NADSYN1: variants seen among roughly 807,000 people sequenced by gnomAD.
NADSYN1 encodes the protein glutamine-dependent NAD(+) synthetase.
Under a neutral mutation model 99.3 loss-of-function variants are expected in NADSYN1, and 80 were observed. That is an observed-to-expected ratio of 0.81 (90% CI 0.67 to 0.97). The LOEUF (loss-of-function observed/expected upper bound fraction) is 0.97. Ranked by LOEUF, NADSYN1 falls within the 50% of genes least tolerant of loss-of-function variation. The pLI, the probability that NADSYN1 is intolerant of heterozygous loss-of-function variation, is 0.00. For synonymous variants in NADSYN1, 385 were observed against 372.1 expected, an observed-to-expected ratio of 1.03 and a Z score of -0.40; for missense variants, 859 against 948.5, an observed-to-expected ratio of 0.91 and a Z score of 1.24.
intron 18 of NADSYN1, 24 bp downstream of exon 18, chr11:71,491,927 A>T (rs1230818533): frequency 1.2e-6 from 2 of 1,607,958 alleles, no homozygotes; most frequent in Admixed American, 3.4e-5. Context: ...CTTTGCCATG[A>T]TGCTTCCTGC....
Position 71,464,775 on chromosome 11 carries a change from G to A in NADSYN1, c.407+633G>A, listed in dbSNP as rs372117725. 4.5e-4 allele frequency among the ~76,000 whole-genome samples: 67 copies of A among 149,878 alleles called. No homozygotes were observed. The South Asian group carries it at 0.013, about 30-fold the overall frequency. On this transcript the variant is annotated intron_variant, in intron 5 of 20. Coordinates refer to ENST00000319023, the MANE Select transcript of NADSYN1 (RefSeq NM_018161.5). ...CCAGCTACTCGGGAGGCTGAGGCAG[G>A]AGAATGGCATGAACCCAGGAGGCAA...
intron 3 of NADSYN1, 121 bp from the exon 4 acceptor site, chr11:71,463,311 G>T: frequency 2.3e-6 from 2 of 860,702 alleles, no homozygotes; most frequent in Non-Finnish European, 1.9e-6. Context: ...TTCTCCGAAG[G>T]GATCGGAGGA....
At chr11:71,489,272 A>T (rs575312414) in intron 16 of NADSYN1, among the ~76,000 whole-genome samples, 2 of 152,006 alleles carry the variant, frequency 1.3e-5, no homozygotes, top group East Asian at 3.9e-4. Flanking sequence ...TTATGGCCAC[A>T]CTTGTTGCTG....
intron 8 of NADSYN1, 92 bp from the exon 9 acceptor site, chr11:71,474,303 G>A (rs534761443): frequency 1.4e-4 from 220 of 1,536,936 alleles, no homozygotes; most frequent in Non-Finnish European, 1.3e-4. Context: ...ATGACCTAGC[G>A]GGACTCGGCG....
chr11:71,476,305 G>C (rs976015428), intron 9 of NADSYN1: 3 of 356,840 alleles, frequency 8.4e-6, no homozygotes, highest in Non-Finnish European at 1.7e-5. Context: ...CACCGGAGGC[G>C]AGTTCTGCAG....
chr11:71,453,610 T>TAC, intron 1 of NADSYN1, among the ~76,000 whole-genome samples: 1 of 152,306 alleles, frequency 6.6e-6, no homozygotes, highest in South Asian at 2.1e-4. Flanking sequence ...AAGGCACGGT[T>TAC]AAGAAAAGTC....
chr11:71,483,502 C>T (rs1949722525), intron 14 of NADSYN1, among the ~76,000 whole-genome samples: 1 of 152,198 alleles, frequency 6.6e-6, no homozygotes, highest in Admixed American at 6.5e-5. Flanking sequence ...CCCTCACTGC[C>T]TCTTCCACGG....
intron 12 of NADSYN1, chr11:71,481,674 T>C (rs1949708762): frequency 1.7e-6 from 1 of 600,854 alleles, no homozygotes; most frequent in Non-Finnish European, 3.0e-6. Flanking sequence ...AGCATTGTAA[T>C]CATGCGTATC....
At chr11:71,459,980 G>C (rs1949540698) in intron 3 of NADSYN1, 1 of 152,380 alleles carries the variant, frequency 6.6e-6, no homozygotes, top group African/African-American at 2.4e-5. Flanking sequence ...TCAGGGGTCA[G>C]CAGCAAGCCT....
chr11:71,490,704 G>A, intron 16 of NADSYN1, 141 bp from the exon 17 acceptor site: 6 of 1,259,104 alleles, frequency 4.8e-6, no homozygotes, highest in Non-Finnish European at 5.5e-6. Context: ...TTTGCGGGTT[G>A]CTCTGGGACT....
At chr11:71,473,728 T>C in intron 8 of NADSYN1, 42 bp downstream of exon 8, 1 of 1,413,992 alleles carries the variant, frequency 7.1e-7, no homozygotes, top group South Asian at 1.2e-5. Flanking sequence ...GGGCAGACAC[T>C]GTATCTCAAG....
At position 71,498,534 on chromosome 11, in the gene NADSYN1, T is replaced by C. The variant is rs779484553; in HGVS notation, c.2070+6T>C. ...TTCGGTGCATAGAAAATCAGGTAAA[T>C]CCAGCAGAAATGTTTCTCTCTCCAT... On this transcript the variant is annotated splice_donor_region_variant and intron_variant, in intron 20 of 20. Transcript: ENST00000319023. 6.2e-7 allele frequency: 1 copy of C among 1,612,712 alleles called. No individual in the cohort carries two copies. The highest frequency in any genetic ancestry group is 8.5e-7 in the Non-Finnish European group (1 of 1,178,910).
Position 71,464,035 on chromosome 11 carries a change from C to T in NADSYN1, c.318-18C>T. On this transcript the variant is annotated intron_variant, in intron 4 of 20. Coordinates refer to ENST00000319023, the MANE Select transcript of NADSYN1 (RefSeq NM_018161.5). ...TCTCAGGAGCCCGGTGTGCACAGCC[C>T]TGTTCCCCTGTCTGCAGGAAGATCC... 2.5e-6 allele frequency: 4 copies of T among 1,599,936 alleles called. No homozygotes were observed. Among genetic ancestry groups the T allele is most frequent in the Non-Finnish European group, 2.6e-6 (3 of 1,171,110 alleles).
rs1949632132 is a variant in NADSYN1, at chr11:71,472,313, TG to T, written c.408-130del. ...ACCTGAATGCGATTGTTTATTGCATTGGGGGGAACGCTTGGCAGTTCCTTTG... is the reference window on the plus strand; with the variant it reads ...ACCTGAATGCGATTGTTTATTGCATTGGGGGAACGCTTGGCAGTTCCTTTG... On this transcript the variant is annotated intron_variant, in intron 5 of 20. Transcript: ENST00000319023. 11 of 752,366 alleles carry T rather than the reference TG, an allele frequency of 1.5e-5. No homozygotes were observed. The South Asian group carries it at 1.6e-4, about 11-fold the overall frequency. The allele number at this position is 752,366 out of a possible 1,614,324, so 46.6% of individuals were successfully genotyped here. A position where few individuals can be genotyped will look rare whatever the true frequency, so the allele number is the denominator to read the frequency against.
At chr11:71,485,189 G>A (rs1949734332) in intron 15 of NADSYN1, 5 of 185,278 alleles carry the variant, frequency 2.7e-5, no homozygotes, top group Non-Finnish European at 5.7e-5. Flanking sequence ...CTGTGCCTGG[G>A]TGGCCTCTCC....
intron 2 of NADSYN1, among the ~76,000 whole-genome samples, chr11:71,457,080 G>C (rs933380030): frequency 3.0e-4 from 45 of 152,280 alleles, no homozygotes; most frequent in African/African-American, 1.0e-3. Flanking sequence ...ACTCACCGAA[G>C]GGGTGAGAGG....
intron 3 of NADSYN1, chr11:71,458,768 C>T (rs1425878318): frequency 2.9e-5 from 15 of 517,560 alleles, no homozygotes; most frequent in Non-Finnish European, 5.0e-5. Flanking sequence ...GTCAGTTCTT[C>T]CAGAAAGTCC....
chr11:71,483,804 A>G (rs952072705), intron 14 of NADSYN1, among the ~76,000 whole-genome samples: 3 of 152,228 alleles, frequency 2.0e-5, no homozygotes, highest in African/African-American at 7.2e-5. Context: ...TCCATCTCAG[A>G]TGAACGGAGG....
intron 16 of NADSYN1, among the ~76,000 whole-genome samples, chr11:71,487,846 A>AAG (rs1555151640): frequency 6.7e-6 from 1 of 148,608 alleles, no homozygotes; most frequent in East Asian, 2.0e-4. Flanking sequence ...AAAAAAAAAA[A>AAG]AAAAGAAAAG....
Sources: allele counts gnomAD v4.1 joint callset (sites outside exome capture counted in the v4.1 genomes callset), GRCh38; gene constraint gnomAD v4.1.1; transcripts MANE v1.5; gene names NCBI Gene and HGNC (gene_info 2026-07-23, HGNC 2026-07-21).